The following PIK3AP1 variants were observed in gnomAD, a reference collection of about 807,000 sequenced individuals.
The protein encoded by PIK3AP1 is phosphoinositide-3-kinase adaptor protein 1, also known as phosphoinositide 3-kinase adapter protein 1.
PIK3AP1 carries 21 observed loss-of-function variants against 88.1 expected under a neutral mutation model. The observed-to-expected ratio is 0.24, with a 90% CI of 0.17 to 0.34. The LOEUF is 0.34. PIK3AP1 is among the 10% of genes least tolerant of loss of function. The pLI is 1.00. For synonymous variants in PIK3AP1, 398 were observed against 400.0 expected (o/e 1.00, Z 0.06); for missense variants, 828 against 1,035.7 (o/e 0.80, Z 2.75).
chr10:96,696,987 A>G (rs1172850718), intron 2 of PIK3AP1, among the ~76,000 whole-genome samples: 1 of 152,238 alleles, frequency 6.6e-6, no homozygotes, highest in Non-Finnish European at 1.5e-5. Flanking sequence ...AGATGTCAAC[A>G]TATTTTTCCC....
intron 12 of PIK3AP1, among the ~76,000 whole-genome samples, chr10:96,619,141 G>A (rs1030658829): frequency 3.3e-5 from 5 of 152,192 alleles, no homozygotes; most frequent in Non-Finnish European, 7.3e-5. Context: ...TTTCATATGC[G>A]TGTATGAGGA....
intron 2 of PIK3AP1, among the ~76,000 whole-genome samples, chr10:96,693,512 T>C (rs900925384): frequency 1.3e-5 from 2 of 150,892 alleles, no homozygotes; most frequent in African/African-American, 2.5e-5. Flanking sequence ...CACTAAAATG[T>C]TGAATACTTC....
chr10:96,714,047 G>A (rs924198326), intron 1 of PIK3AP1, among the ~76,000 whole-genome samples: 3 of 152,186 alleles, frequency 2.0e-5, no homozygotes, highest in East Asian at 3.9e-4. Flanking sequence ...GGTGGCATGC[G>A]TCTGTAATTC....
At chr10:96,633,691 A>G (rs117468209) in intron 8 of PIK3AP1, among the ~76,000 whole-genome samples, 2,561 of 152,316 alleles carry the variant, frequency 0.017, 29 homozygotes, top group Non-Finnish European at 0.028. Context: ...TCTGAACCCA[A>G]GTTTTCTGCC....
At position 96,645,672 on chromosome 10, in the gene PIK3AP1, A is replaced by G. The variant is rs772110838; in HGVS notation, c.1186-10T>C. On this transcript the variant is annotated splice_polypyrimidine_tract_variant and intron_variant, in intron 7 of 16. Coordinates refer to ENST00000339364, the MANE Select transcript of PIK3AP1 (RefSeq NM_152309.3). The stretch of plus-strand genomic sequence containing the variant: ...GCATGTCCACCGTTTCCTGAAAGAG[A>G]AGATGAGGCCCACGGCGCCCTGAGG... 2.5e-6 allele frequency: 4 copies of G among 1,582,918 alleles called. No homozygotes were observed. The South Asian group carries it at 3.4e-5, about 14-fold the overall frequency.
chr10:96,710,170 A>T (rs1844421203), intron 1 of PIK3AP1, among the ~76,000 whole-genome samples, 187 bp from the exon 2 acceptor site: 1 of 152,140 alleles, frequency 6.6e-6, no homozygotes, highest in Admixed American at 6.5e-5. Flanking sequence ...TGTTCCAATC[A>T]TACCAGACTC....
intron 2 of PIK3AP1, among the ~76,000 whole-genome samples, chr10:96,667,731 A>G (rs1024286644): frequency 6.6e-6 from 1 of 152,364 alleles, no homozygotes; most frequent in South Asian, 2.1e-4. Flanking sequence ...CAAACATTCC[A>G]AAACACTGAA....
At chr10:96,648,877 T>C in intron 6 of PIK3AP1, 22 bp from the exon 7 acceptor site, 1 of 1,529,928 alleles carries the variant, frequency 6.5e-7, no homozygotes, top group Non-Finnish European at 8.8e-7. Context: ...CAAGGAAAAC[T>C]TAATAGGCAG....
Position 96,623,453 on chromosome 10 carries a change from C to A in PIK3AP1, c.1735+19G>T. The A allele has an allele frequency of 6.3e-7, 1 of 1,591,944 alleles. No individual in the cohort carries two copies. Among genetic ancestry groups the A allele is most frequent in the South Asian group, 1.1e-5 (1 of 90,590 alleles). ...ACTTCAACCACACAAAAGTTCAGTTCATATAACACATGGCTTACCTTTCCT... is the reference window on the plus strand; with the variant it reads ...ACTTCAACCACACAAAAGTTCAGTTAATATAACACATGGCTTACCTTTCCT... On this transcript the variant is annotated intron_variant, in intron 11 of 16. Coordinates refer to ENST00000339364, the MANE Select transcript of PIK3AP1 (RefSeq NM_152309.3).
intron 8 of PIK3AP1, among the ~76,000 whole-genome samples, chr10:96,639,333 G>C (rs1243740335): frequency 6.6e-6 from 1 of 152,180 alleles, no homozygotes; most frequent in Non-Finnish European, 1.5e-5. Context: ...CACTGGGATA[G>C]GCACTGTGGA....
At chr10:96,657,150 G>GGAT (rs1324506349) in intron 2 of PIK3AP1, among the ~76,000 whole-genome samples, 2 of 152,144 alleles carry the variant, frequency 1.3e-5, no homozygotes, top group African/African-American at 4.8e-5. Context: ...ACAGCAAGAG[G>GGAT]GATGACAATC....
Position 96,720,209 on chromosome 10 carries a change from T to C in PIK3AP1, c.13+173A>G, listed in dbSNP as rs1844553385. ...GCGCCACAGGCTGGGACGGGAAACGTGGGAAAGTTGGAGTGGGAAGTTTGC... is the reference window on the plus strand; with the variant it reads ...GCGCCACAGGCTGGGACGGGAAACGCGGGAAAGTTGGAGTGGGAAGTTTGC... On this transcript the variant is annotated intron_variant, in intron 1 of 16. Transcript: ENST00000339364. The surrounding 1 kb of genome is among the most constrained non-coding windows in gnomAD (Gnocchi z 4.6). 3.3e-5 allele frequency among the ~76,000 whole-genome samples: 5 copies of C among 151,352 alleles called. No individual in the cohort carries two copies. The South Asian group carries it at 8.3e-4, about 25-fold the overall frequency.
intron 2 of PIK3AP1, among the ~76,000 whole-genome samples, chr10:96,661,269 G>A (rs753155628): frequency 6.6e-6 from 1 of 152,102 alleles, no homozygotes; most frequent in Non-Finnish European, 1.5e-5. Flanking sequence ...ATGGATCACT[G>A]ATTGCCAGTG....
rs1424880441 is a variant in PIK3AP1, at chr10:96,720,357, G to A, written c.13+25C>T. 4.8e-6 allele frequency: 6 copies of A among 1,242,394 alleles called. No individual in the cohort carries two copies. Among genetic ancestry groups the A allele is most frequent in the South Asian group, 8.2e-5 (2 of 24,350 alleles). 77.0% of individuals were successfully genotyped at this position (1,242,394 alleles called of 1,614,324 possible). ...TACGAGAGAGGGGCCGGGAGCCCGGGGACCCGCGGCGCCTGCCTACCCACC... is the reference window on the plus strand; with the variant it reads ...TACGAGAGAGGGGCCGGGAGCCCGGAGACCCGCGGCGCCTGCCTACCCACC... On this transcript the variant is annotated intron_variant, in intron 1 of 16. Coordinates refer to ENST00000339364, the MANE Select transcript of PIK3AP1 (RefSeq NM_152309.3). This position sits in a 1 kb window ranked among gnomAD's most constrained non-coding sequence, Gnocchi z 4.6.
intron 16 of PIK3AP1, among the ~76,000 whole-genome samples, chr10:96,596,216 G>A (rs917792422): frequency 6.6e-6 from 1 of 152,172 alleles, no homozygotes; most frequent in Non-Finnish European, 1.5e-5. Flanking sequence ...GACGACTAGA[G>A]TCAGCCCTTA....
intron 2 of PIK3AP1, among the ~76,000 whole-genome samples, chr10:96,702,018 G>A (rs1407994856): frequency 6.6e-6 from 1 of 152,150 alleles, no homozygotes; most frequent in African/African-American, 2.4e-5. Flanking sequence ...GGATGAACCT[G>A]GAGGACATTA....
chr10:96,701,146 C>T lies in PIK3AP1; in HGVS notation c.430+8421G>A, dbSNP rs1025798889. Among the ~76,000 whole-genome samples the T allele has an allele frequency of 7.2e-5, 11 of 152,198 alleles. No individual in the cohort carries two copies. In the East Asian group the frequency reaches 2.1e-3, roughly 29 times the overall value. The stretch of plus-strand genomic sequence containing the variant: ...CCTATTCAGTAGGTCTGGGGTGGGG[C>T]CCAGGTATCCACATTTTAAACATAG... On this transcript the variant is annotated intron_variant, in intron 2 of 16. Transcript: ENST00000339364.
chr10:96,676,431 G>A (rs907052359), intron 2 of PIK3AP1, among the ~76,000 whole-genome samples: 3 of 150,336 alleles, frequency 2.0e-5, no homozygotes, highest in South Asian at 2.1e-4. Flanking sequence ...GCTATGACCC[G>A]AGGTCATTAC....
At chr10:96,676,549 A>G (rs954874202) in intron 2 of PIK3AP1, among the ~76,000 whole-genome samples, 1 of 151,702 alleles carries the variant, frequency 6.6e-6, no homozygotes, top group Non-Finnish European at 1.5e-5. Context: ...AACTCCAGAC[A>G]CATGGAAGCC....
Sources: allele counts gnomAD v4.1 joint callset (sites outside exome capture counted in the v4.1 genomes callset), GRCh38; gene constraint gnomAD v4.1.1; non-coding constraint Gnocchi (gnomAD v3.1); transcripts MANE v1.5; gene names NCBI Gene and HGNC (gene_info 2026-07-23, HGNC 2026-07-21).